KIF18A: variants seen among roughly 807,000 people sequenced by gnomAD.
KIF18A encodes the protein kinesin-like protein KIF18A.
A neutral mutation model predicts 103.3 loss-of-function variants in KIF18A; 67 were observed. The observed-to-expected ratio is 0.65, with a 90% CI of 0.53 to 0.79. The LOEUF is 0.79. KIF18A is among the 30% of genes least tolerant of loss of function. The pLI, the probability that KIF18A is intolerant of heterozygous loss-of-function variation, is 0.00. For missense variants in KIF18A, 1,032 were observed against 1,062.5 expected, an observed-to-expected ratio of 0.97 and a Z score of 0.40; for synonymous variants, 367 against 355.5, an observed-to-expected ratio of 1.03 and a Z score of -0.36.
chr11:28,036,413 C>T lies in KIF18A; in HGVS notation c.2200G>A (p.Ala734Thr). 1 of 1,610,926 alleles carries T rather than the reference C, an allele frequency of 6.2e-7. No individual in the cohort carries two copies. The highest frequency in any genetic ancestry group is 8.5e-7 in the Non-Finnish European group (1 of 1,178,026). Residue 734 changes from alanine to threonine, a missense_variant, in exon 14 of 17, where the codon GCT becomes ACT. Coordinates refer to ENST00000263181, the MANE Select transcript of KIF18A (RefSeq NM_031217.4). ...KPSSFTTSFQ[A>T]ISSNINSDNC... ...TCACTGTTTATGTTTGAGCTGATAG[C>T]CTGAAAACTTGTAGTAAATGATGAT...
chr11:28,060,790 G>T lies in KIF18A; in HGVS notation c.1712+1605C>A, dbSNP rs537688443. Among the ~76,000 whole-genome samples, 5 of 152,268 alleles carry T rather than the reference G, an allele frequency of 3.3e-5. No individual in the cohort carries two copies. In the South Asian group the frequency reaches 8.3e-4, roughly 25 times the overall value. ...CTCCTTTTGAAAAGTCTGGAATTTT[G>T]ATACATCCTGGCAGAAAGTGCCTAT... On this transcript the variant is annotated intron_variant, in intron 12 of 16. Coordinates refer to ENST00000263181, the MANE Select transcript of KIF18A (RefSeq NM_031217.4).
At chr11:28,055,269 C>T (rs574554954) in intron 13 of KIF18A, among the ~76,000 whole-genome samples, 1 of 152,248 alleles carries the variant, frequency 6.6e-6, no homozygotes, top group East Asian at 1.9e-4. Context: ...ATGGAGATAA[C>T]TCAGACCAAC....
chr11:28,071,390 C>T (rs2133540765), intron 10 of KIF18A, among the ~76,000 whole-genome samples: 1 of 151,446 alleles, frequency 6.6e-6, no homozygotes, highest in East Asian at 1.9e-4. Context: ...CTTCTATTTT[C>T]ACTATTTTTG....
At chr11:28,069,778 C>T (rs1850987306) in intron 10 of KIF18A, among the ~76,000 whole-genome samples, 1 of 151,840 alleles carries the variant, frequency 6.6e-6, no homozygotes, top group African/African-American at 2.4e-5. Flanking sequence ...TCCATGATCT[C>T]CTTACTCAAA....
At position 28,095,905 on chromosome 11, in the gene KIF18A, G is replaced by A. The variant is rs748772512; in HGVS notation, c.326-1105C>T. ...CTCATTCCTGTAGTCCAGCTATTCA[G>A]GAGGCTAAGATGGGAGGATTGCTTA... On this transcript the variant is annotated intron_variant, in intron 2 of 16. Transcript: ENST00000263181. Among the ~76,000 whole-genome samples, 5 of 151,510 alleles carry A rather than the reference G, an allele frequency of 3.3e-5. No homozygotes were observed. The South Asian group carries it at 8.3e-4, about 25-fold the overall frequency.
chr11:28,061,593 T>C (rs1251296458), intron 12 of KIF18A, among the ~76,000 whole-genome samples: 2 of 152,136 alleles, frequency 1.3e-5, no homozygotes, highest in African/African-American at 4.8e-5. Context: ...ACAGAAAGTA[T>C]AAAGAGATTA....
At chr11:28,026,208 G>C (rs1366182525) in intron 15 of KIF18A, among the ~76,000 whole-genome samples, 3 of 151,740 alleles carry the variant, frequency 2.0e-5, no homozygotes, top group South Asian at 4.2e-4. Flanking sequence ...AAATCTGTTG[G>C]GTAGGTTTTG....
At chr11:28,045,401 GAA>G (rs942376298) in intron 13 of KIF18A, among the ~76,000 whole-genome samples, 1 of 139,542 alleles carries the variant, frequency 7.2e-6, no homozygotes, top group South Asian at 2.2e-4. Context: ...AGAAAAAAAG[GAA>G]AAAAAAAAAG....
At chr11:28,068,410 A>G (rs544047173) in intron 11 of KIF18A, among the ~76,000 whole-genome samples, 1 of 150,680 alleles carries the variant, frequency 6.6e-6, no homozygotes, top group Non-Finnish European at 1.5e-5. Context: ...CACATTCTGC[A>G]TATGTATCCC....
At chr11:28,049,145 A>C (rs555434715) in intron 13 of KIF18A, among the ~76,000 whole-genome samples, 3 of 152,218 alleles carry the variant, frequency 2.0e-5, no homozygotes, top group African/African-American at 7.2e-5. Context: ...TTTTCTAAAA[A>C]TATTTTAAAA....
At chr11:28,081,273 A>T (rs1408342390) in intron 9 of KIF18A, among the ~76,000 whole-genome samples, 1 of 152,190 alleles carries the variant, frequency 6.6e-6, no homozygotes, top group Non-Finnish European at 1.5e-5. Context: ...TAGACAAATC[A>T]GCTTTTAATT....
chr11:28,073,787 G>C (rs1263497825), intron 10 of KIF18A, among the ~76,000 whole-genome samples: 1 of 151,958 alleles, frequency 6.6e-6, no homozygotes, highest in Non-Finnish European at 1.5e-5. Flanking sequence ...AATAATTGAA[G>C]GACAAACACT....
At chr11:28,079,284 TA>T (rs752392028) in intron 9 of KIF18A, among the ~76,000 whole-genome samples, 3 of 152,046 alleles carry the variant, frequency 2.0e-5, no homozygotes, top group Non-Finnish European at 4.4e-5. Flanking sequence ...TGGAGAATTC[TA>T]ATAGATATCC....
intron 2 of KIF18A, among the ~76,000 whole-genome samples, chr11:28,095,098 C>T (rs1389963975): frequency 6.6e-6 from 1 of 152,148 alleles, no homozygotes; most frequent in East Asian, 1.9e-4. Context: ...TCTTCTTTAT[C>T]CTTTGCAATT....
rs1252361857 is a variant in KIF18A at position 28,071,849 on chromosome 11, A to C, written c.1426-2426T>G. Among the ~76,000 whole-genome samples the C allele has an allele frequency of 2.6e-5, 4 of 152,310 alleles. No individual in the cohort carries two copies. The East Asian group carries it at 7.7e-4, about 29-fold the overall frequency. On this transcript the variant is annotated intron_variant, in intron 10 of 16. Coordinates refer to ENST00000263181, the MANE Select transcript of KIF18A (RefSeq NM_031217.4). The stretch of plus-strand genomic sequence containing the variant: ...AGATGAAAATATTGTACCTAACTGA[A>C]GGCAGGCAGCTAATTAAATCATCTT...
chr11:28,085,187 C>T (rs1220838207), intron 6 of KIF18A, among the ~76,000 whole-genome samples: 1 of 152,038 alleles, frequency 6.6e-6, no homozygotes, highest in Non-Finnish European at 1.5e-5. Context: ...GCACAAACGC[C>T]GCTTGAGGGC....
rs187624856 is a variant in KIF18A at position 28,022,292 on chromosome 11, T to G, written c.2615-1010A>C. On this transcript the variant is annotated intron_variant, in intron 16 of 16. Coordinates refer to ENST00000263181, the MANE Select transcript of KIF18A (RefSeq NM_031217.4). The stretch of plus-strand genomic sequence containing the variant: ...AGTTTTTTTTTTTTTTGAGACGGAG[T>G]TTTGCTCAGTCGCCCAGGCTGGAGT... Among the ~76,000 whole-genome samples the G allele has an allele frequency of 1.5e-4, 22 of 150,084 alleles. No individual in the cohort carries two copies. The East Asian group carries it at 4.3e-3, about 29-fold the overall frequency.
Position 28,035,420 on chromosome 11 carries a change from G to T in KIF18A, c.2471C>A (p.Thr824Asn), listed in dbSNP as rs773034314. The change falls in exon 15 of 17, where the codon ACT becomes AAT. Residue 824 changes from threonine (T) to asparagine (N), a missense_variant. Physicochemically the swap from Thr to Asn is moderately conservative, Grantham distance 65 (BLOSUM62 0). Transcript: ENST00000263181. ...TTTCCGTTTCCTTTTGGCAGCAGTA[G>T]TCATTGCCATGTAGGATGGCACCAT... is the stretch of plus-strand genomic sequence containing the variant. Reference protein sequence around the residue: ...PSMVPSYMAMTTAAKRKRKLT... With the variant: ...PSMVPSYMAMNTAAKRKRKLT... The T allele has an allele frequency of 1.2e-6, 2 of 1,601,822 alleles. No individual in the cohort carries two copies. Among genetic ancestry groups the T allele is most frequent in the Non-Finnish European group, 1.7e-6 (2 of 1,173,030 alleles).
intron 13 of KIF18A, among the ~76,000 whole-genome samples, chr11:28,054,949 A>G (rs1473809784): frequency 6.6e-6 from 1 of 152,182 alleles, no homozygotes; most frequent in African/African-American, 2.4e-5. Context: ...ATAGATTTTT[A>G]AATAAGGAAT....
Sources: allele counts gnomAD v4.1 joint callset (sites outside exome capture counted in the v4.1 genomes callset), GRCh38; gene constraint gnomAD v4.1.1; transcripts MANE v1.5; gene names NCBI Gene and HGNC (gene_info 2026-07-23, HGNC 2026-07-21).